The following GABRE variants were observed in gnomAD, a reference collection of about 807,000 sequenced individuals.
GABRE encodes gamma-aminobutyric acid receptor subunit epsilon.
Under a neutral mutation model 31.0 loss-of-function variants are expected in GABRE, and 20 were observed. The ratio of observed to expected loss-of-function variants is 0.64; its 90% CI spans 0.45 to 0.94. The LOEUF (loss-of-function observed/expected upper bound fraction) is 0.94, where lower values mean the gene tolerates loss of function less well. Ranked by LOEUF, GABRE falls within the 40% of genes least tolerant of loss-of-function variation. The pLI is 0.00. For missense variants in GABRE, 420 were observed against 410.7 expected (o/e 1.02, Z -0.20); for synonymous variants, 155 against 150.6 (o/e 1.03, Z -0.21).
At chrX:151,970,018 A>T in intron 2 of GABRE, 167 bp downstream of exon 2, 2 of 1,095,716 alleles carry the variant, frequency 1.8e-6, no homozygotes, top group South Asian at 2.4e-5. Flanking sequence ...ATCAAGGTCA[A>T]TGACACTGCT....
At chrX:151,958,622 C>T (rs1334505607) in intron 6 of GABRE, 1 of 380,625 alleles carries the variant, frequency 2.6e-6, no homozygotes, top group East Asian at 7.5e-5. Context: ...AATGCACAAT[C>T]ATCTACTAAA....
At chrX:151,973,724 C>T (rs1041927364) in intron 1 of GABRE, among the ~76,000 whole-genome samples, 11 of 111,953 alleles carry the variant, frequency 9.8e-5, no homozygotes, top group African/African-American at 3.6e-4. Context: ...CAGGGCACGA[C>T]CCTCCTAGCC....
intron 3 of GABRE, among the ~76,000 whole-genome samples, chrX:151,967,293 C>A (rs1332662293): frequency 8.9e-6 from 1 of 112,143 alleles, no homozygotes; most frequent in Non-Finnish European, 1.9e-5. Flanking sequence ...CCTTAGTCAG[C>A]CAAAGGAGCA....
rs370457472 is a variant in GABRE at position 151,956,001 on chromosome X, A to T, written c.785-141T>A. 7.4e-5 allele frequency: 43 copies of T among 582,659 alleles called. 1 individual carries two copies. In the East Asian group the frequency reaches 1.5e-3, roughly 20 times the overall value. The allele number at this position is 582,659 out of a possible 1,213,427, so 48.0% of individuals were successfully genotyped here. ...CATGATGTGACAATGCAATACATACAAATAGGACCAGAAGAAGCCCAGAAA... is the reference window on the plus strand; with the variant it reads ...CATGATGTGACAATGCAATACATACTAATAGGACCAGAAGAAGCCCAGAAA... On this transcript the variant is annotated intron_variant, in intron 6 of 8. Transcript: ENST00000370328.
chrX:151,959,794 T>A, intron 6 of GABRE, 45 bp downstream of exon 6: 1 of 1,189,844 alleles, frequency 8.4e-7, no homozygotes, highest in Non-Finnish European at 1.1e-6. Context: ...TCTCCAATCA[T>A]CCCTACCACC....
chrX:151,974,189 T>C (rs1353822805), intron 1 of GABRE, among the ~76,000 whole-genome samples: 1 of 111,678 alleles, frequency 9.0e-6, no homozygotes, highest in Non-Finnish European at 1.9e-5. Flanking sequence ...GCCCCCCCAG[T>C]AGCTGAAGCC....
chrX:151,971,805 C>T (rs1199507427), intron 1 of GABRE: 2 of 105,618 alleles, frequency 1.9e-5, no homozygotes, highest in Non-Finnish European at 3.8e-5. Context: ...GGAAAGTGTA[C>T]GGGGACAGGC....
Position 151,954,647 on chromosome X carries a change from G to A in GABRE, c.*54C>T. On this transcript the variant is annotated 3_prime_UTR_variant, in exon 9 of 9. Coordinates refer to ENST00000370328, the MANE Select transcript of GABRE (RefSeq NM_004961.4). ...TTTCCCCCAACTCCCTTGGCAAGGG[G>A]CTTGGACCTCCTGGGGAACTGGAGA... is the stretch of plus-strand genomic sequence containing the variant. 3.0e-6 allele frequency: 3 copies of A among 994,786 alleles called. No individual in the cohort carries two copies. Among genetic ancestry groups the A allele is most frequent in the South Asian group, 2.3e-5 (1 of 42,563 alleles). 82.0% of individuals were successfully genotyped at this position (994,786 alleles called of 1,213,427 possible).
chrX:151,974,538 A>G, intron 1 of GABRE, 32 bp downstream of exon 1: 1 of 991,487 alleles, frequency 1.0e-6, no homozygotes, highest in Non-Finnish European at 1.3e-6. Flanking sequence ...GCTGGGCGCG[A>G]AGGGCTCCCG....
intron 3 of GABRE, among the ~76,000 whole-genome samples, chrX:151,967,898 G>A (rs1435655269): frequency 8.9e-6 from 1 of 112,387 alleles, no homozygotes; most frequent in Non-Finnish European, 1.9e-5. Flanking sequence ...TTCACTTCCT[G>A]GTGTTTGTGC....
At chrX:151,971,853 G>GTGTGTGTGTC (rs1934708062) in intron 1 of GABRE, 2 of 89,114 alleles carry the variant, frequency 2.2e-5, no homozygotes, top group African/African-American at 9.3e-5. Context: ...GTGTGTGTGT[G>GTGTGTGTGTC]TGTGTGTGTG....
chrX:151,961,220 G>A, intron 5 of GABRE, 63 bp downstream of exon 5: 2 of 755,282 alleles, frequency 2.6e-6, no homozygotes, highest in East Asian at 3.2e-5. Context: ...TAAATGGCAA[G>A]GATGAGAAAA....
chrX:151,956,195 G>A (rs961671415), intron 6 of GABRE: 9 of 227,370 alleles, frequency 4.0e-5, no homozygotes, highest in Non-Finnish European at 7.1e-5. Flanking sequence ...TCATGCCCAC[G>A]CAGCTGATAT....
rs1261909891 is a variant in GABRE, at chrX:151,954,958, A to G, written c.1264T>C (p.Ser422Pro). The change falls in exon 9 of 9, where the codon TCT (serine) becomes CCT (proline). Residue 422 changes from serine (S) to proline (P), a missense_variant. Transcript: ENST00000370328. ...TEGSDGEERP[S>P]CSAQQPPSPG... The stretch of plus-strand genomic sequence containing the variant: ...CTAGGGGGCTGCTGGGCTGAGCAAG[A>G]CGGGCGCTCCTCTCCATCACTTCCC... 2 of 1,207,503 alleles carry G rather than the reference A, an allele frequency of 1.7e-6. No homozygotes were observed. The highest frequency in any genetic ancestry group is 1.1e-6 in the Non-Finnish European group (1 of 893,310).
In GABRE at chrX:151,970,177, C is replaced by T; in HGVS notation, c.274+8G>A. ...CTAGGAGGGGAAGAACGTCGTTCTGCTCCTCACCTCCAATGCCAGGGCGCA... is the reference window on the plus strand; with the variant it reads ...CTAGGAGGGGAAGAACGTCGTTCTGTTCCTCACCTCCAATGCCAGGGCGCA... On this transcript the variant is annotated splice_region_variant and intron_variant, in intron 2 of 8. Transcript: ENST00000370328. 1.7e-6 allele frequency: 2 copies of T among 1,211,165 alleles called. No homozygotes were observed. The highest frequency in any genetic ancestry group is 2.2e-6 in the Non-Finnish European group (2 of 895,417).
chrX:151,968,934 A>G (rs1171322309), intron 3 of GABRE, among the ~76,000 whole-genome samples: 1 of 112,391 alleles, frequency 8.9e-6, no homozygotes, highest in Non-Finnish European at 1.9e-5. Flanking sequence ...TGTGGAGGTC[A>G]GGGGAGATGC....
intron 3 of GABRE, among the ~76,000 whole-genome samples, chrX:151,963,002 C>A (rs1339209461): frequency 8.9e-6 from 1 of 112,041 alleles, no homozygotes; most frequent in Non-Finnish European, 1.9e-5. Context: ...TTAAACAAAG[C>A]TCCCTACTAC....
chrX:151,972,240 G>T, intron 1 of GABRE: 1 of 753,408 alleles, frequency 1.3e-6, no homozygotes, highest in East Asian at 1.5e-4. Flanking sequence ...CATTTCTCAT[G>T]TCTGAAGTGG....
At chrX:151,957,833 C>T (rs1934224913) in intron 6 of GABRE, 1 of 179,684 alleles carries the variant, frequency 5.6e-6, no homozygotes, top group Non-Finnish European at 1.0e-5. Context: ...CATGGTTGGT[C>T]ACTGCAGTGT....
Sources: gnomAD v4.1 joint callset for allele counts (sites outside exome capture counted in the v4.1 genomes callset) on GRCh38, gnomAD v4.1.1 for gene constraint, MANE v1.5 for transcripts, NCBI Gene and HGNC (gene_info 2026-07-23, HGNC 2026-07-21) for gene names.